OGDH: variants seen among roughly 807,000 people sequenced by gnomAD.
OGDH encodes oxoglutarate dehydrogenase.
In OGDH, 38 loss-of-function variants were observed where a neutral mutation model predicts 116.6. That is an observed-to-expected ratio of 0.33 (90% CI 0.25 to 0.43). OGDH has a LOEUF of 0.43. Among genes scored for constraint, OGDH ranks in the 20% least tolerant of loss-of-function variants. The pLI, the probability that OGDH is intolerant of heterozygous loss-of-function variation, is 1.00. For missense variants in OGDH, 825 were observed against 1,357.2 expected, an observed-to-expected ratio of 0.61 and a Z score of 6.16; for synonymous variants, 488 against 533.3, an observed-to-expected ratio of 0.92 and a Z score of 1.17.
chr7:44,616,311 G>C (rs962957943), intron 1 of OGDH, among the ~76,000 whole-genome samples: 6 of 152,092 alleles, frequency 3.9e-5, no homozygotes, highest in African/African-American at 1.4e-4. Context: ...TACCACATCA[G>C]TCATGGGCAT....
chr7:44,612,265 T>C (rs1784594686), intron 1 of OGDH, among the ~76,000 whole-genome samples: 4 of 152,220 alleles, frequency 2.6e-5, no homozygotes, highest in Admixed American at 2.6e-4. Context: ...TTTGTGTCTA[T>C]CCCATCACCA....
At chr7:44,680,931 A>G (rs1787904365) in intron 9 of OGDH, among the ~76,000 whole-genome samples, 1 of 152,234 alleles carries the variant, frequency 6.6e-6, no homozygotes, top group Non-Finnish European at 1.5e-5. Context: ...TATTAATGCA[A>G]CCTGTCGAAT....
chr7:44,705,051 C>CTTTTTTTTTTTTTTTTTTTTT (rs777624714), intron 20 of OGDH, among the ~76,000 whole-genome samples: 9 of 93,924 alleles, frequency 9.6e-5, no homozygotes, highest in East Asian at 3.8e-4. Flanking sequence ...TTTTAATTTT[C>CTTTTTTTTTTTTTTTTTTTTT]TTTTTTTTTT....
At chr7:44,659,304 ATCTG>A (rs1786832682) in intron 4 of OGDH, among the ~76,000 whole-genome samples, 1 of 152,160 alleles carries the variant, frequency 6.6e-6, no homozygotes, top group Admixed American at 6.6e-5. Flanking sequence ...ATGTCTTTGT[ATCTG>A]TCTCTTTATA....
rs551075327 is a variant in OGDH at position 44,702,738 on chromosome 7, G to A, written c.2632+1123G>A. Reference sequence around the variant, plus strand: ...CTCCCAAGTAGCTGGGACTGCAGGCGCCCGCCACCACGCCTGGCTAATTTT... The same window carrying A: ...CTCCCAAGTAGCTGGGACTGCAGGCACCCGCCACCACGCCTGGCTAATTTT... On this transcript the variant is annotated intron_variant, in intron 20 of 22. Coordinates refer to ENST00000222673, the MANE Select transcript of OGDH (RefSeq NM_002541.4). Among the ~76,000 whole-genome samples, 270 of 152,014 alleles carry A rather than the reference G, an allele frequency of 1.8e-3. 4 individuals carry two copies. Among genetic ancestry groups the A allele is most frequent in the Middle Eastern group, 0.014 (4 of 294 alleles).
At chr7:44,621,854 G>C (rs1030648005) in intron 1 of OGDH, among the ~76,000 whole-genome samples, 1 of 149,172 alleles carries the variant, frequency 6.7e-6, no homozygotes, top group Non-Finnish European at 1.5e-5. Flanking sequence ...CTGGACTACA[G>C]AGCAAGACTC....
intron 4 of OGDH, among the ~76,000 whole-genome samples, chr7:44,657,209 G>GGATTCCTC (rs1168818948): frequency 3.3e-5 from 5 of 152,074 alleles, no homozygotes; most frequent in African/African-American, 1.2e-4. Flanking sequence ...ATCACCACGA[G>GGATTCCTC]GATTCCTCCT....
chr7:44,687,995 C>G (rs1251610974), intron 10 of OGDH, among the ~76,000 whole-genome samples: 2 of 152,136 alleles, frequency 1.3e-5, no homozygotes, highest in African/African-American at 4.8e-5. Context: ...CTGTAAAGTT[C>G]ATATTAATTG....
chr7:44,673,755 TC>T, intron 5 of OGDH, 31 bp from the exon 6 acceptor site: 1 of 1,611,644 alleles, frequency 6.2e-7, no homozygotes, highest in South Asian at 1.1e-5. Context: ...TGGTTAGAAA[TC>T]CCCTTGACTG....
At chr7:44,620,963 G>A (rs747431182) in intron 1 of OGDH, among the ~76,000 whole-genome samples, 2 of 152,180 alleles carry the variant, frequency 1.3e-5, no homozygotes, top group East Asian at 1.9e-4. Context: ...ACCAAATAAC[G>A]TACTATTCTT....
intron 5 of OGDH, among the ~76,000 whole-genome samples, chr7:44,672,930 C>T (rs1417689604): frequency 6.6e-6 from 1 of 152,046 alleles, no homozygotes; most frequent in Non-Finnish European, 1.5e-5. Context: ...CGTGAGCCAC[C>T]GCGCCTGGCC....
rs1789080979 is a variant in OGDH, at chr7:44,706,563, C to T, written c.2633-662C>T. ...CTCGAACTCCTGACCTCAGGTGATC[C>T]GCCTGCCTCAGCCTCCCAAAGTGCT... On this transcript the variant is annotated intron_variant, in intron 20 of 22. Coordinates refer to ENST00000222673, the MANE Select transcript of OGDH (RefSeq NM_002541.4). Among the ~76,000 whole-genome samples the T allele has an allele frequency of 2.6e-5, 4 of 151,510 alleles. No individual in the cohort carries two copies. In the South Asian group the frequency reaches 8.4e-4, roughly 32 times the overall value.
At position 44,705,051 on chromosome 7, in the gene OGDH, C is replaced by CTT. The variant is rs777624714; in HGVS notation, c.2633-2156_2633-2155dup. Among the ~76,000 whole-genome samples, 82 of 93,902 alleles carry CTT rather than the reference C, an allele frequency of 8.7e-4. 4 individuals carry two copies. Among genetic ancestry groups the CTT allele is most frequent in the Middle Eastern group, 6.5e-3 (1 of 154 alleles). The allele number at this position is 93,902 out of a possible 152,430, so 61.6% of individuals were successfully genotyped here. On this transcript the variant is annotated intron_variant, in intron 20 of 22. Transcript: ENST00000222673. ...TTGATGTACAAAAGTTTTTAATTTT[C>CTT]TTTTTTTTTTTTTTTTTTTGAGACG...
At chr7:44,683,424 T>A (rs1338762220) in intron 10 of OGDH, among the ~76,000 whole-genome samples, 1 of 151,902 alleles carries the variant, frequency 6.6e-6, no homozygotes, top group Non-Finnish European at 1.5e-5. Flanking sequence ...AGAGGCGGGA[T>A]GTCACTCTGT....
intron 4 of OGDH, among the ~76,000 whole-genome samples, chr7:44,663,113 A>AT (rs1787020941): frequency 6.6e-6 from 1 of 152,148 alleles, no homozygotes; most frequent in Admixed American, 6.5e-5. Context: ...GGCTCTGTTC[A>AT]TTTTTTATTT....
chr7:44,641,508 G>T (rs1414323700), intron 2 of OGDH, among the ~76,000 whole-genome samples: 2 of 152,190 alleles, frequency 1.3e-5, no homozygotes, highest in African/African-American at 4.8e-5. Flanking sequence ...TTACAGGCAT[G>T]AGCCACTGCG....
Position 44,676,028 on chromosome 7 carries a change from C to T in OGDH, c.1085C>T (p.Thr362Ile). 3 of 1,614,128 alleles carry T rather than the reference C, an allele frequency of 1.9e-6. No homozygotes were observed. Among genetic ancestry groups the T allele is most frequent in the Non-Finnish European group, 1.7e-6 (2 of 1,180,026 alleles). ...GMYHRRINRVTDRNITLSLVA... is the reference protein window; with the variant it reads ...GMYHRRINRVIDRNITLSLVA... Reference sequence around the variant, plus strand: ...TATCACCGCAGGATCAATCGTGTCACCGACAGGAACATTACCTTGTCCTTG... The same window carrying T: ...TATCACCGCAGGATCAATCGTGTCATCGACAGGAACATTACCTTGTCCTTG... Residue 362 changes from threonine to isoleucine, a missense_variant, in exon 9 of 23, where the codon ACC (threonine) becomes ATC (isoleucine). This residue lies in a region of OGDH where 146 missense variants were observed against 317.3 expected (regional missense o/e 0.46). Coordinates refer to ENST00000222673, the MANE Select transcript of OGDH (RefSeq NM_002541.4).
At chr7:44,649,039 G>T (rs929111855) in intron 4 of OGDH, among the ~76,000 whole-genome samples, 2 of 151,924 alleles carry the variant, frequency 1.3e-5, no homozygotes, top group African/African-American at 4.8e-5. Flanking sequence ...CAGCCTGTCT[G>T]CCCTGTGCCT....
At chr7:44,645,543 A>G (rs1205734595) in intron 3 of OGDH, 25 bp downstream of exon 3, 13 of 1,608,620 alleles carry the variant, frequency 8.1e-6, no homozygotes, top group Non-Finnish European at 1.1e-5. Flanking sequence ...TTACCCGCAC[A>G]CGGGAAAGGG....
Sources: allele counts gnomAD v4.1 joint callset (sites outside exome capture counted in the v4.1 genomes callset), GRCh38; gene constraint gnomAD v4.1.1; regional missense constraint gnomAD v4.1.1; transcripts MANE v1.5; gene names NCBI Gene and HGNC (gene_info 2026-07-23, HGNC 2026-07-21).